The following TMA7 variants were observed in gnomAD, a reference collection of about 807,000 sequenced individuals.
The protein encoded by TMA7 is translation machinery-associated protein 7.
TMA7 carries 5 observed loss-of-function variants against 12.5 expected under a neutral mutation model. That is an observed-to-expected ratio of 0.40 (90% CI 0.21 to 0.84). The LOEUF is 0.84. Among genes scored for constraint, TMA7 ranks in the 40% least tolerant of loss-of-function variants. The pLI, the probability that TMA7 is intolerant of heterozygous loss-of-function variation, is 0.36. For missense variants in TMA7, 71 were observed against 75.4 expected, an observed-to-expected ratio of 0.94 and a Z score of 0.22; for synonymous variants, 36 against 28.1, an observed-to-expected ratio of 1.28 and a Z score of -0.89.
chr3:48,440,503 A>G (rs769183788), intron 2 of TMA7, 38 bp from the exon 3 acceptor site: 2 of 1,603,892 alleles, frequency 1.2e-6, no homozygotes, highest in Non-Finnish European at 1.7e-6. Context: ...GGGCGCTGGG[A>G]GACAGGCCTG....
chr3:48,442,070 A>AAAAT (rs2039582330), intron 3 of TMA7, among the ~76,000 whole-genome samples: 2 of 152,152 alleles, frequency 1.3e-5, no homozygotes, highest in Non-Finnish European at 2.9e-5. Flanking sequence ...GAAAAAATTT[A>AAAAT]AAATTAGCTG....
At chr3:48,443,600 G>C (rs1033743526) in intron 3 of TMA7, among the ~76,000 whole-genome samples, 1 of 151,612 alleles carries the variant, frequency 6.6e-6, no homozygotes, top group East Asian at 1.9e-4. Context: ...GATTAAATAA[G>C]CCAATCTGTG....
At chr3:48,443,775 C>T (rs982878947) in intron 3 of TMA7, 73 bp from the exon 4 acceptor site, 5 of 1,305,562 alleles carry the variant, frequency 3.8e-6, no homozygotes, top group Non-Finnish European at 5.2e-6. Flanking sequence ...TTACTAAGGT[C>T]CACAGCAGGC....
Position 48,440,421 on chromosome 3 carries a change from T to C in TMA7, c.35T>C (p.Leu12Pro). Residue 12 changes from leucine (L) to proline (P), a missense_variant, in exon 2 of 4, where the codon CTG becomes CCG. Physicochemically the swap from Leu to Pro is moderately conservative, Grantham distance 98. Coordinates refer to ENST00000438607, the MANE Select transcript of TMA7 (RefSeq NM_015933.6). ...SGREGGKKKP[L>P]KQPKKQAKEM... ...CCCACAGGTGGCAAGAAGAAGCCAC[T>C]GAAACAGCCCAAGAAGCAGGCCAAG... 1 of 1,612,362 alleles carries C rather than the reference T, an allele frequency of 6.2e-7. No homozygotes were observed. Among genetic ancestry groups the C allele is most frequent in the Non-Finnish European group, 8.5e-7 (1 of 1,179,792 alleles).
chr3:48,442,895 C>T (rs527914627), intron 3 of TMA7, among the ~76,000 whole-genome samples: 3 of 152,236 alleles, frequency 2.0e-5, no homozygotes, highest in East Asian at 3.9e-4. Context: ...AGTCAGATGA[C>T]TCAGGTTGGG....
rs1329084290 is a variant in TMA7 at position 48,441,291 on chromosome 3, G to A, written c.160+663G>A. Among the ~76,000 whole-genome samples the A allele has an allele frequency of 5.3e-5, 8 of 152,002 alleles. No homozygotes were observed. The East Asian group carries it at 1.4e-3, about 26-fold the overall frequency. ...GAACTCCTGACCTCGTGATCCACCC[G>A]CCTCAGCCTCCCAAAGTGCTGGGAT... is the stretch of plus-strand genomic sequence containing the variant. On this transcript the variant is annotated intron_variant, in intron 3 of 3. Coordinates refer to ENST00000438607, the MANE Select transcript of TMA7 (RefSeq NM_015933.6).
chr3:48,442,452 C>CTTT (rs904695197), intron 3 of TMA7, among the ~76,000 whole-genome samples: 19 of 130,734 alleles, frequency 1.5e-4, no homozygotes, highest in African/African-American at 4.9e-4. Flanking sequence ...TAACCCTACA[C>CTTT]TTTTTTTTTT....
At chr3:48,442,452 C>CTTTT (rs904695197) in intron 3 of TMA7, among the ~76,000 whole-genome samples, 1 of 130,744 alleles carries the variant, frequency 7.6e-6, no homozygotes, top group Non-Finnish European at 1.6e-5. Flanking sequence ...TAACCCTACA[C>CTTTT]TTTTTTTTTT....
At chr3:48,442,227 T>C (rs149858166) in intron 3 of TMA7, among the ~76,000 whole-genome samples, 63 of 149,926 alleles carry the variant, frequency 4.2e-4, no homozygotes, top group African/African-American at 1.5e-3. Context: ...CGCCACTGTA[T>C]TCCAGCCTGG....
intron 3 of TMA7, among the ~76,000 whole-genome samples, chr3:48,442,976 A>C (rs2039602147): frequency 1.3e-5 from 2 of 151,874 alleles, no homozygotes; most frequent in Admixed American, 1.3e-4. Context: ...ATGGTGGCTC[A>C]AGACTGTAAT....
chr3:48,441,719 T>C (rs1176475663), intron 3 of TMA7, among the ~76,000 whole-genome samples: 1 of 152,230 alleles, frequency 6.6e-6, no homozygotes, highest in Non-Finnish European at 1.5e-5. Context: ...GTACTTTATG[T>C]GCATCATAAG....
At chr3:48,440,665 C>CTGGCTCAAGCTG in intron 3 of TMA7, 37 bp downstream of exon 3, 1 of 1,581,614 alleles carries the variant, frequency 6.3e-7, no homozygotes, top group Non-Finnish European at 8.6e-7. Context: ...GCTGGCCAAA[C>CTGGCTCAAGCTG]GCTATGAGCA....
At chr3:48,440,904 A>G in intron 3 of TMA7, 1 of 525,472 alleles carries the variant, frequency 1.9e-6, no homozygotes, top group Non-Finnish European at 3.4e-6. Context: ...CCTCAGACGC[A>G]GATTCACAGT....
intron 3 of TMA7, among the ~76,000 whole-genome samples, chr3:48,441,345 GT>G (rs1222910489): frequency 2.0e-5 from 3 of 150,390 alleles, no homozygotes; most frequent in African/African-American, 7.3e-5. Context: ...CACCTGGCCA[GT>G]TTTTTTTTGT....
In TMA7 at chr3:48,440,410, G is replaced by A. The variant is rs746265014; in HGVS notation, c.24G>A (p.Lys8=). Residue 8 remains lysine (K), a synonymous_variant, in exon 2 of 4, where the codon AAG becomes AAA. Transcript: ENST00000438607. MSGREGG[K]KKPLKQPKKQ... Reference sequence around the variant, plus strand: ...TGCTCGTGTCGCCCACAGGTGGCAAGAAGAAGCCACTGAAACAGCCCAAGA... The same window carrying A: ...TGCTCGTGTCGCCCACAGGTGGCAAAAAGAAGCCACTGAAACAGCCCAAGA... 6.8e-6 allele frequency: 11 copies of A among 1,611,740 alleles called. No homozygotes were observed. The highest frequency in any genetic ancestry group is 9.3e-6 in the Non-Finnish European group (11 of 1,179,784).
chr3:48,440,509 G>A (rs1169471820), intron 2 of TMA7, 32 bp from the exon 3 acceptor site: 4 of 1,606,118 alleles, frequency 2.5e-6, no homozygotes, highest in Non-Finnish European at 8.5e-7. Flanking sequence ...TGGGAGACAG[G>A]CCTGAGTTGA....
intron 3 of TMA7, among the ~76,000 whole-genome samples, chr3:48,442,819 A>G (rs1449473030): frequency 6.6e-6 from 1 of 152,228 alleles, no homozygotes; most frequent in African/African-American, 2.4e-5. Flanking sequence ...TTGACAGAGT[A>G]TACCAGGTGC....
chr3:48,440,529 G>A lies in TMA7; in HGVS notation c.73-12G>A. The A allele has an allele frequency of 6.2e-7, 1 of 1,609,758 alleles. No homozygotes were observed. The highest frequency in any genetic ancestry group is 8.5e-7 in the Non-Finnish European group (1 of 1,178,842). On this transcript the variant is annotated splice_polypyrimidine_tract_variant and intron_variant, in intron 2 of 3. Transcript: ENST00000438607. Reference sequence around the variant, plus strand: ...GACAGGCCTGAGTTGAACACGCTCTGCCTCTCCCCAGGAAGATAAGGCTTT... The same window carrying A: ...GACAGGCCTGAGTTGAACACGCTCTACCTCTCCCCAGGAAGATAAGGCTTT...
chr3:48,440,362 G>T, intron 1 of TMA7, 41 bp from the exon 2 acceptor site: 1 of 1,611,734 alleles, frequency 6.2e-7, no homozygotes, highest in South Asian at 1.1e-5. Flanking sequence ...GGTGGGGACC[G>T]GGCGGCAGGG....
Sources: gnomAD v4.1 joint callset for allele counts (sites outside exome capture counted in the v4.1 genomes callset) on GRCh38, gnomAD v4.1.1 for gene constraint, MANE v1.5 for transcripts, NCBI Gene and HGNC (gene_info 2026-07-23, HGNC 2026-07-21) for gene names.